RGS22: variants seen among roughly 807,000 people sequenced by gnomAD.
RGS22 encodes the protein regulator of G-protein signaling 22.
RGS22 carries 148 observed loss-of-function variants against 172.9 expected under a neutral mutation model. That is an observed-to-expected ratio of 0.86 (90% CI 0.75 to 0.98). RGS22 has a LOEUF of 0.98. RGS22 is among the 50% of genes least tolerant of loss of function. The probability of loss-of-function intolerance (pLI) is 0.00; values close to 1 mark genes in which losing one functional copy is unlikely to be tolerated. For synonymous variants in RGS22, 458 were observed against 480.2 expected, an observed-to-expected ratio of 0.95 and a Z score of 0.60; for missense variants, 1,347 against 1,440.8, an observed-to-expected ratio of 0.93 and a Z score of 1.05.
At chr8:100,097,164 C>A (rs138076258) in intron 2 of RGS22, among the ~76,000 whole-genome samples, 2 of 151,910 alleles carry the variant, frequency 1.3e-5, no homozygotes, top group Non-Finnish European at 2.9e-5. Context: ...GGAATGGGGG[C>A]GAGAATCAAC....
Position 100,041,826 on chromosome 8 carries a change from T to A in RGS22, c.1914A>T (p.Arg638Ser). The A allele has an allele frequency of 6.2e-7, 1 of 1,610,468 alleles. No homozygotes were observed. The highest frequency in any genetic ancestry group is 8.5e-7 in the Non-Finnish European group (1 of 1,176,886). Residue 638 changes from arginine (R) to serine (S), a missense_variant, in exon 12 of 28, where the codon AGA becomes AGT. Transcript: ENST00000360863. ...SECLKPQLDR[R>S]YAYTEEPRVK... ...CCCTAGGTTCTTCTGTATAAGCGTATCTTCTATCCAGCTGGGGCTTGAGAC... is the reference window on the plus strand; with the variant it reads ...CCCTAGGTTCTTCTGTATAAGCGTAACTTCTATCCAGCTGGGGCTTGAGAC...
At chr8:99,977,815 A>G (rs1449505566) in intron 23 of RGS22, 102 bp downstream of exon 23, 2 of 966,900 alleles carry the variant, frequency 2.1e-6, no homozygotes, top group Non-Finnish European at 3.0e-6. Flanking sequence ...TCTGTATTCC[A>G]TAACTTCTCT....
chr8:100,037,952 A>G (rs1009545108), intron 14 of RGS22, among the ~76,000 whole-genome samples: 9 of 152,220 alleles, frequency 5.9e-5, no homozygotes, highest in African/African-American at 2.2e-4. Flanking sequence ...CAGCTGATTT[A>G]CAAAGCATAG....
intron 6 of RGS22, 31 bp from the exon 7 acceptor site, chr8:100,066,327 T>A: frequency 6.3e-7 from 1 of 1,594,194 alleles, no homozygotes; most frequent in Non-Finnish European, 8.6e-7. Flanking sequence ...TAGTTTAACA[T>A]ATGATTAGCA....
chr8:100,025,002 C>A (rs1276040366), intron 14 of RGS22, among the ~76,000 whole-genome samples: 1 of 104,392 alleles, frequency 9.6e-6, no homozygotes, highest in Non-Finnish European at 2.0e-5. Flanking sequence ...AAAAGAGGAT[C>A]TATAAATAAA....
intron 9 of RGS22, among the ~76,000 whole-genome samples, 192 bp downstream of exon 9, chr8:100,062,399 C>T (rs567549861): frequency 1.3e-5 from 2 of 151,880 alleles, no homozygotes; most frequent in Admixed American, 6.6e-5. Context: ...AATACTGTCC[C>T]ACCTTATTAT....
At chr8:99,969,100 A>C (rs78705848) in intron 23 of RGS22, among the ~76,000 whole-genome samples, 2 of 152,192 alleles carry the variant, frequency 1.3e-5, no homozygotes, top group Non-Finnish European at 2.9e-5. Context: ...AACAACCTTA[A>C]AGAAAATAAT....
Position 100,043,772 on chromosome 8 carries a change from C to CA in RGS22, c.1824-1857dup, listed in dbSNP as rs549103580. ...GGCCGGGCAGAGTGAGACTCTGTCT[C>CA]AAAAAAAAACAAAAAACAAAACAAA... On this transcript the variant is annotated intron_variant, in intron 11 of 27. Transcript: ENST00000360863. Among the ~76,000 whole-genome samples, 157 of 135,794 alleles carry CA rather than the reference C, an allele frequency of 1.2e-3. 1 individual carries two copies. Among genetic ancestry groups the CA allele is most frequent in the South Asian group, 3.3e-3 (14 of 4,260 alleles). The allele number at this position is 135,794 out of a possible 152,430, so 89.1% of individuals were successfully genotyped here.
At chr8:100,073,609 T>C (rs909963664) in intron 4 of RGS22, among the ~76,000 whole-genome samples, 12 of 152,196 alleles carry the variant, frequency 7.9e-5, no homozygotes. Flanking sequence ...AGAAAGACTC[T>C]GCATAGGCTA....
At chr8:99,989,341 G>T (rs930923935) in intron 20 of RGS22, among the ~76,000 whole-genome samples, 2 of 152,130 alleles carry the variant, frequency 1.3e-5, no homozygotes, top group African/African-American at 4.8e-5. Flanking sequence ...GCCATTTCTA[G>T]CCAGGTATTA....
At chr8:99,988,163 G>T (rs1264040367) in intron 20 of RGS22, among the ~76,000 whole-genome samples, 2 of 151,058 alleles carry the variant, frequency 1.3e-5, no homozygotes, top group African/African-American at 4.8e-5. Flanking sequence ...TTTTAGATGA[G>T]ACATCTTTAT....
intron 14 of RGS22, among the ~76,000 whole-genome samples, chr8:100,016,656 A>T (rs538093548): frequency 4.6e-5 from 7 of 152,266 alleles, no homozygotes; most frequent in African/African-American, 1.7e-4. Context: ...AGGCGCCTGT[A>T]GTCCCAGCTG....
At chr8:99,967,120 G>A (rs1380376180) in intron 23 of RGS22, among the ~76,000 whole-genome samples, 1 of 152,154 alleles carries the variant, frequency 6.6e-6, no homozygotes, top group East Asian at 1.9e-4. Context: ...AAGTGCAAGG[G>A]GTCGGGGAAC....
Position 100,006,078 on chromosome 8 carries a change from T to A in RGS22, c.2393A>T (p.Asp798Val), listed in dbSNP as rs907215812. The change falls in exon 16 of 28, where the codon GAC (aspartate) becomes GTC (valine). Residue 798 changes from aspartate to valine, a missense_variant. Coordinates refer to ENST00000360863, the MANE Select transcript of RGS22 (RefSeq NM_015668.5). ...CTGTAGCTTTCTGAAGTATGTGGAG[T>A]CTAACTGTCGAGTTTCTTCCACCAG... is the stretch of plus-strand genomic sequence containing the variant. ...VELVEETRQL[D>V]STYFRKLQAL... 29 of 1,613,308 alleles carry A rather than the reference T, an allele frequency of 1.8e-5. No individual in the cohort carries two copies. The highest frequency in any genetic ancestry group is 2.4e-5 in the Non-Finnish European group (28 of 1,179,586).
chr8:100,011,754 C>T (rs547253613), intron 14 of RGS22, among the ~76,000 whole-genome samples: 1 of 152,132 alleles, frequency 6.6e-6, no homozygotes, highest in Admixed American at 6.5e-5. Flanking sequence ...CAAAAACACC[C>T]TTCCAAAATA....
chr8:99,964,509 T>G (rs1235123341), intron 24 of RGS22, among the ~76,000 whole-genome samples: 5 of 148,706 alleles, frequency 3.4e-5, no homozygotes, highest in Admixed American at 3.3e-4. Context: ...AGCAGCAGCC[T>G]GATATCTCTA....
Position 100,039,988 on chromosome 8 carries a change from T to G in RGS22, c.2038A>C (p.Lys680Gln), listed in dbSNP as rs1375482116. ...VENRAGFFFT[K>Q]FCEHSGNKLW... is the part of the protein sequence containing the mutation. ...TTGTTCCCTGAATGCTCGCAGAATT[T>G]AGTAAAGAAGAATCCAGCTCTATTT... is the stretch of plus-strand genomic sequence containing the variant. The change falls in exon 13 of 28, where the codon AAA becomes CAA. Residue 680 changes from lysine (K) to glutamine (Q), a missense_variant. Coordinates refer to ENST00000360863, the MANE Select transcript of RGS22 (RefSeq NM_015668.5). 1.2e-5 allele frequency: 19 copies of G among 1,586,260 alleles called. No homozygotes were observed. The highest frequency in any genetic ancestry group is 1.6e-5 in the Non-Finnish European group (19 of 1,166,936).
At chr8:100,001,949 A>C (rs1248051924) in intron 18 of RGS22, among the ~76,000 whole-genome samples, 1 of 152,214 alleles carries the variant, frequency 6.6e-6, no homozygotes, top group Non-Finnish European at 1.5e-5. Flanking sequence ...GTCAATGAGT[A>C]GGTGAATAAA....
At chr8:100,006,508 A>G (rs1416723877) in intron 15 of RGS22, among the ~76,000 whole-genome samples, 1 of 152,210 alleles carries the variant, frequency 6.6e-6, no homozygotes, top group Non-Finnish European at 1.5e-5. Context: ...TTAGTATGTG[A>G]GCAAAGGCTT....
Sources: gnomAD v4.1 joint callset for allele counts (sites outside exome capture counted in the v4.1 genomes callset) on GRCh38, gnomAD v4.1.1 for gene constraint, MANE v1.5 for transcripts, NCBI Gene and HGNC (gene_info 2026-07-23, HGNC 2026-07-21) for gene names.